Variants in CNTN4 observed in about 807,000 individuals in gnomAD.
CNTN4 encodes the protein contactin 4, also known as contactin-4.
CNTN4 carries 77 observed loss-of-function variants against 122.5 expected under a neutral mutation model. The observed-to-expected ratio is 0.63, with a 90% CI of 0.52 to 0.76. CNTN4 has a LOEUF of 0.76. Among genes scored for constraint, CNTN4 ranks in the 30% least tolerant of loss-of-function variants. CNTN4 has a pLI of 0.00. For synonymous variants in CNTN4, 512 were observed against 447.0 expected, an observed-to-expected ratio of 1.15 and a Z score of -1.83; for missense variants, 1,256 against 1,259.1, an observed-to-expected ratio of 1.00 and a Z score of 0.04.
intron 2 of CNTN4, among the ~76,000 whole-genome samples, chr3:2,291,171 AT>A (rs1022919248): frequency 6.6e-6 from 1 of 151,844 alleles, no homozygotes; most frequent in Non-Finnish European, 1.5e-5. Context: ...ATTTATGTAA[AT>A]TTTTTTACCC....
In CNTN4 at chr3:2,660,519, G is replaced by A. The variant is rs1363169925; in HGVS notation, c.56-75696G>A. Among the ~76,000 whole-genome samples, 8 of 152,080 alleles carry A rather than the reference G, an allele frequency of 5.3e-5. No homozygotes were observed. In the East Asian group the frequency reaches 1.3e-3, roughly 26 times the overall value. ...AAGTTCTGGGTTTTGTCTGCTTCAG[G>A]CCTGTCTTAACCCTGCCATTAATTG... On this transcript the variant is annotated intron_variant, in intron 4 of 24. Transcript: ENST00000418658.
intron 10 of CNTN4, among the ~76,000 whole-genome samples, chr3:2,890,845 C>T (rs188867716): frequency 5.3e-5 from 8 of 152,200 alleles, no homozygotes; most frequent in East Asian, 1.9e-4. Flanking sequence ...ATAACCTGTA[C>T]GGTCTAGTTG....
Position 2,841,998 on chromosome 3 carries a change from AT to A in CNTN4, c.454+22424del, listed in dbSNP as rs1384147764. The stretch of plus-strand genomic sequence containing the variant: ...TAAATAAATGAAGCTAGCTGCCCCC[AT>A]TTTTTTCAAGAACATGTTATTGAAG... On this transcript the variant is annotated intron_variant, in intron 7 of 24. Coordinates refer to ENST00000418658, the MANE Select transcript of CNTN4 (RefSeq NM_175607.3). The surrounding 1 kb of genome is among the most constrained non-coding windows in gnomAD (Gnocchi z 4.8). Among the ~76,000 whole-genome samples the A allele has an allele frequency of 2.6e-5, 4 of 152,006 alleles. No homozygotes were observed. The highest frequency in any genetic ancestry group is 1.9e-4 in the East Asian group (1 of 5,180).
chr3:3,011,939 C>T (rs1180462156), intron 14 of CNTN4, among the ~76,000 whole-genome samples: 4 of 151,970 alleles, frequency 2.6e-5, no homozygotes, highest in Admixed American at 2.6e-4. Flanking sequence ...GTAATGATAT[C>T]TTTATTCAAA....
At chr3:2,578,737 C>T (rs1043609391) in intron 4 of CNTN4, among the ~76,000 whole-genome samples, 6 of 152,124 alleles carry the variant, frequency 3.9e-5, no homozygotes, top group East Asian at 1.9e-4. Flanking sequence ...TCATGCTGAC[C>T]GAAGCCAAAG....
At chr3:2,992,767 T>A (rs1020947270) in intron 14 of CNTN4, among the ~76,000 whole-genome samples, 1 of 152,162 alleles carries the variant, frequency 6.6e-6, no homozygotes, top group Non-Finnish European at 1.5e-5. Context: ...CTGAACTACA[T>A]CCAAACTGAC....
At chr3:2,945,160 A>G (rs2151541317) in intron 13 of CNTN4, among the ~76,000 whole-genome samples, 1 of 152,288 alleles carries the variant, frequency 6.6e-6, no homozygotes, top group East Asian at 1.9e-4. Flanking sequence ...AAATCTGGGT[A>G]GAGTACTCTT....
At chr3:2,932,104 G>T (rs538779476) in intron 13 of CNTN4, among the ~76,000 whole-genome samples, 10 of 152,134 alleles carry the variant, frequency 6.6e-5, no homozygotes, top group African/African-American at 2.2e-4. Flanking sequence ...TAGGCCGGGC[G>T]CAGTGGCTCA....
intron 4 of CNTN4, among the ~76,000 whole-genome samples, chr3:2,597,210 T>G (rs562093516): frequency 6.6e-6 from 1 of 152,282 alleles, no homozygotes; most frequent in South Asian, 2.1e-4. Flanking sequence ...ACCTCTTCCT[T>G]AGCAGTTCCA....
intron 3 of CNTN4, among the ~76,000 whole-genome samples, chr3:2,547,905 A>G (rs1382475734): frequency 1.3e-5 from 2 of 152,154 alleles, no homozygotes; most frequent in East Asian, 3.9e-4. Context: ...TATTAAAGCT[A>G]ACTGAAGAAG....
At chr3:2,344,812 A>G (rs1185889709) in intron 3 of CNTN4, among the ~76,000 whole-genome samples, 1 of 152,188 alleles carries the variant, frequency 6.6e-6, no homozygotes, top group Non-Finnish European at 1.5e-5. Context: ...TACTTTTATA[A>G]TTAGTATTAT....
At chr3:2,374,725 C>G (rs1483624684) in intron 3 of CNTN4, among the ~76,000 whole-genome samples, 2 of 152,072 alleles carry the variant, frequency 1.3e-5, no homozygotes, top group Non-Finnish European at 2.9e-5. Flanking sequence ...AACACACTGA[C>G]CACGAGGAAA....
intron 4 of CNTN4, among the ~76,000 whole-genome samples, chr3:2,642,241 A>G (rs1163182368): frequency 6.6e-6 from 1 of 152,182 alleles, no homozygotes; most frequent in Non-Finnish European, 1.5e-5. Flanking sequence ...GCAGCATGGA[A>G]GAAAGATGTA....
chr3:2,273,100 A>G (rs1393678783), intron 2 of CNTN4, among the ~76,000 whole-genome samples: 1 of 152,220 alleles, frequency 6.6e-6, no homozygotes, highest in Non-Finnish European at 1.5e-5. Context: ...ATTAAAATCT[A>G]CAAGTCAGGT....
intron 14 of CNTN4, among the ~76,000 whole-genome samples, chr3:3,023,540 G>T (rs1367195619): frequency 3.3e-5 from 5 of 152,196 alleles, no homozygotes; most frequent in Non-Finnish European, 5.9e-5. Context: ...AGGCTTTGGG[G>T]TATGTGCCAA....
intron 2 of CNTN4, among the ~76,000 whole-genome samples, chr3:2,135,363 T>C (rs1035936116): frequency 6.6e-6 from 1 of 152,116 alleles, no homozygotes; most frequent in African/African-American, 2.4e-5. Context: ...TATCTGAAAG[T>C]CTGAAAAAGG....
intron 4 of CNTN4, among the ~76,000 whole-genome samples, chr3:2,649,357 G>C (rs528345318): frequency 6.6e-6 from 1 of 152,306 alleles, no homozygotes; most frequent in East Asian, 1.9e-4. Context: ...TTTCTTGTTA[G>C]GGGTTAATAC....
At chr3:2,999,202 G>A (rs1695810358) in intron 14 of CNTN4, 5 of 152,144 alleles carry the variant, frequency 3.3e-5, no homozygotes, top group African/African-American at 1.2e-4. Context: ...CTTTCTACCA[G>A]CATAGATTAT....
chr3:2,354,251 C>T (rs547682653), intron 3 of CNTN4, among the ~76,000 whole-genome samples: 2 of 152,324 alleles, frequency 1.3e-5, no homozygotes, highest in South Asian at 4.1e-4. Context: ...GTATTTTGGG[C>T]TGGGCATGGT....
Sources: gnomAD v4.1 joint callset for allele counts (sites outside exome capture counted in the v4.1 genomes callset) on GRCh38, gnomAD v4.1.1 for gene constraint, Gnocchi (gnomAD v3.1) non-coding constraint, MANE v1.5 for transcripts, NCBI Gene and HGNC (gene_info 2026-07-23, HGNC 2026-07-21) for gene names.